RAB11FIP4: variants seen among roughly 807,000 people sequenced by gnomAD.
RAB11FIP4 encodes rab11 family-interacting protein 4.
RAB11FIP4 carries 23 observed loss-of-function variants against 74.3 expected under a neutral mutation model. The ratio of observed to expected loss-of-function variants is 0.31; its 90% CI spans 0.22 to 0.44. The LOEUF (loss-of-function observed/expected upper bound fraction) is 0.44, where lower values mean the gene tolerates loss of function less well. RAB11FIP4 is among the 20% of genes least tolerant of loss of function. RAB11FIP4 has a pLI of 1.00. For missense variants in RAB11FIP4, 630 were observed against 863.9 expected, an observed-to-expected ratio of 0.73 and a Z score of 3.39; for synonymous variants, 360 against 359.9, an observed-to-expected ratio of 1.00 and a Z score of 0.00.
intron 1 of RAB11FIP4, among the ~76,000 whole-genome samples, chr17:31,410,560 A>G (rs924728967): frequency 1.3e-5 from 2 of 152,064 alleles, no homozygotes; most frequent in African/African-American, 4.8e-5. Flanking sequence ...CTAAAAATAC[A>G]GAAATTGGCC....
chr17:31,434,671 C>G (rs1374425244), intron 3 of RAB11FIP4, among the ~76,000 whole-genome samples: 1 of 152,154 alleles, frequency 6.6e-6, no homozygotes, highest in Non-Finnish European at 1.5e-5. Context: ...AGGACCACCT[C>G]CCTCGGGCTG....
chr17:31,459,062 A>G (rs1265514359), intron 3 of RAB11FIP4, among the ~76,000 whole-genome samples: 3 of 151,680 alleles, frequency 2.0e-5, no homozygotes, highest in East Asian at 1.9e-4. Context: ...CCTGATCTCA[A>G]CTCTCACTCA....
intron 6 of RAB11FIP4, 131 bp from the exon 7 acceptor site, chr17:31,522,229 A>G: frequency 7.8e-7 from 1 of 1,278,614 alleles, no homozygotes; most frequent in Non-Finnish European, 1.1e-6. Flanking sequence ...CTCAGGACCA[A>G]GCTGACTAGT....
At chr17:31,447,586 G>T (rs577854309) in intron 3 of RAB11FIP4, among the ~76,000 whole-genome samples, 1 of 152,150 alleles carries the variant, frequency 6.6e-6, no homozygotes, top group South Asian at 2.1e-4. Context: ...GCAATAGTAC[G>T]ATCTTGGCTC....
chr17:31,451,454 A>G (rs2071526494), intron 3 of RAB11FIP4, among the ~76,000 whole-genome samples: 2 of 94,752 alleles, frequency 2.1e-5, no homozygotes, highest in Non-Finnish European at 4.0e-5. Flanking sequence ...GCGAGACTCC[A>G]TCTCAAAAAA....
chr17:31,506,682 G>A (rs2072356288), intron 3 of RAB11FIP4, among the ~76,000 whole-genome samples: 2 of 152,150 alleles, frequency 1.3e-5, no homozygotes, highest in Admixed American at 6.5e-5. Flanking sequence ...ACAATGTTCT[G>A]TAGGTTCATC....
rs572112289 is a variant in RAB11FIP4, at chr17:31,516,898, C to A, written c.337-753C>A. On this transcript the variant is annotated intron_variant, in intron 3 of 14. Coordinates refer to ENST00000621161, the MANE Select transcript of RAB11FIP4 (RefSeq NM_032932.6). ...TTTCCCATTGGTTACTTGGTGTACA[C>A]CCTATGTAAATGAAGTAGTGGCCCA... Among the ~76,000 whole-genome samples the A allele has an allele frequency of 2.6e-5, 4 of 152,130 alleles. No homozygotes were observed. The South Asian group carries it at 8.3e-4, about 32-fold the overall frequency.
intron 1 of RAB11FIP4, among the ~76,000 whole-genome samples, chr17:31,402,113 T>C (rs2070992102): frequency 6.6e-6 from 1 of 151,970 alleles, no homozygotes. Context: ...ATCCATTCAT[T>C]AGCCACGCAC....
intron 1 of RAB11FIP4, among the ~76,000 whole-genome samples, chr17:31,402,331 TGTG>T (rs1360140829): frequency 2.6e-5 from 4 of 152,030 alleles, no homozygotes; most frequent in Non-Finnish European, 5.9e-5. Flanking sequence ...AGTGTCTCCA[TGTG>T]GTGAAAGGAC....
rs1273678236 is a variant in RAB11FIP4 at position 31,537,801 on chromosome 17, C to T, written c.*6069C>T. The stretch of plus-strand genomic sequence containing the variant: ...AGACCAGAGTGCCATTAAATACCAA[C>T]TGATGTCACGGAGCGGACGGTGCAT... On this transcript the variant is annotated 3_prime_UTR_variant, in exon 15 of 15. Coordinates refer to ENST00000621161, the MANE Select transcript of RAB11FIP4 (RefSeq NM_032932.6). The T allele has an allele frequency of 1.3e-5, 2 of 152,822 alleles. No individual in the cohort carries two copies. Among genetic ancestry groups the T allele is most frequent in the Non-Finnish European group, 2.9e-5 (2 of 68,136 alleles). 9.5% of individuals were successfully genotyped at this position (152,822 alleles called of 1,614,324 possible).
intron 3 of RAB11FIP4, among the ~76,000 whole-genome samples, chr17:31,493,964 C>T (rs529229515): frequency 2.6e-5 from 4 of 152,162 alleles, no homozygotes; most frequent in African/African-American, 7.2e-5. Flanking sequence ...GATGGGGCAT[C>T]CTGTTCATCC....
At chr17:31,470,615 T>TG (rs995664581) in intron 3 of RAB11FIP4, among the ~76,000 whole-genome samples, 19 of 152,332 alleles carry the variant, frequency 1.2e-4, no homozygotes, top group African/African-American at 4.1e-4. Flanking sequence ...ACACATGGGC[T>TG]GGGTGTGGCA....
chr17:31,501,337 A>G lies in RAB11FIP4; in HGVS notation c.337-16314A>G, dbSNP rs565201010. 2.3e-3 allele frequency among the ~76,000 whole-genome samples: 348 copies of G among 152,174 alleles called. 2 individuals are homozygous for G. The highest frequency in any genetic ancestry group is 3.6e-3 in the Non-Finnish European group (248 of 68,006). ...AAGTATCATAAGTTAAAAAAAAAAA[A>G]AGAAAAAAATGCGTTTAATACATCT... On this transcript the variant is annotated intron_variant, in intron 3 of 14. Coordinates refer to ENST00000621161, the MANE Select transcript of RAB11FIP4 (RefSeq NM_032932.6).
At chr17:31,428,460 A>G (rs2071274946) in intron 1 of RAB11FIP4, among the ~76,000 whole-genome samples, 2 of 152,138 alleles carry the variant, frequency 1.3e-5, no homozygotes, top group Admixed American at 6.6e-5. Context: ...CCTCAGATCC[A>G]TCATCTGCAG....
chr17:31,418,614 C>T (rs2071170562), intron 1 of RAB11FIP4, among the ~76,000 whole-genome samples: 1 of 151,678 alleles, frequency 6.6e-6, no homozygotes, highest in Admixed American at 6.6e-5. Flanking sequence ...CAGGCGTGCA[C>T]CACCACACCT....
intron 3 of RAB11FIP4, among the ~76,000 whole-genome samples, chr17:31,508,143 A>G (rs1346497278): frequency 2.6e-5 from 4 of 152,090 alleles, no homozygotes; most frequent in East Asian, 1.9e-4. Context: ...TTAACTCCCA[A>G]CCTTTGACAT....
intron 3 of RAB11FIP4, among the ~76,000 whole-genome samples, chr17:31,444,039 A>T (rs1387803432): frequency 1.3e-5 from 2 of 152,242 alleles, no homozygotes; most frequent in East Asian, 1.9e-4. Context: ...GGAAGTTTTT[A>T]AAATGATGAT....
intron 3 of RAB11FIP4, among the ~76,000 whole-genome samples, chr17:31,478,923 C>T (rs2071820924): frequency 6.6e-6 from 1 of 152,212 alleles, no homozygotes; most frequent in Non-Finnish European, 1.5e-5. Flanking sequence ...TGCTCATGGT[C>T]TTCAATCATC....
chr17:31,449,782 T>G (rs1417575085), intron 3 of RAB11FIP4, among the ~76,000 whole-genome samples: 1 of 152,190 alleles, frequency 6.6e-6, no homozygotes, highest in Non-Finnish European at 1.5e-5. Context: ...CCTAGTTTGC[T>G]GCAGCCTCAA....
Sources: gnomAD v4.1 joint callset for allele counts (sites outside exome capture counted in the v4.1 genomes callset) on GRCh38, gnomAD v4.1.1 for gene constraint, MANE v1.5 for transcripts, NCBI Gene and HGNC (gene_info 2026-07-23, HGNC 2026-07-21) for gene names.